FSTL5: variants seen among roughly 807,000 people sequenced by gnomAD.
FSTL5 encodes follistatin like 5.
Under a neutral mutation model 89.1 loss-of-function variants are expected in FSTL5, and 62 were observed. That is an observed-to-expected ratio of 0.70 (90% CI 0.57 to 0.86). The LOEUF is 0.86. Among genes scored for constraint, FSTL5 ranks in the 40% least tolerant of loss-of-function variants. The probability of loss-of-function intolerance (pLI) is 0.00; values close to 1 mark genes in which losing one functional copy is unlikely to be tolerated. For missense variants in FSTL5, 1,057 were observed against 1,001.6 expected (o/e 1.06, Z -0.75); for synonymous variants, 383 against 346.2 (o/e 1.11, Z -1.18).
At chr4:161,808,467 T>C (rs1730038677) in intron 4 of FSTL5, among the ~76,000 whole-genome samples, 1 of 152,154 alleles carries the variant, frequency 6.6e-6, no homozygotes, top group African/African-American at 2.4e-5. Flanking sequence ...AACAAAAAGT[T>C]TGACTTTACC....
intron 15 of FSTL5, among the ~76,000 whole-genome samples, chr4:161,431,401 A>T (rs924495926): frequency 1.3e-5 from 2 of 152,100 alleles, no homozygotes; most frequent in Admixed American, 6.5e-5. Context: ...TCAGTTTAAA[A>T]TAATGAGTTA....
At chr4:161,802,033 T>C (rs948662121) in intron 4 of FSTL5, among the ~76,000 whole-genome samples, 1 of 151,682 alleles carries the variant, frequency 6.6e-6, no homozygotes, top group African/African-American at 2.4e-5. Flanking sequence ...CTCATGCCTT[T>C]GTAATCTTTT....
chr4:161,860,457 G>T (rs1403748888), intron 4 of FSTL5, among the ~76,000 whole-genome samples: 1 of 152,166 alleles, frequency 6.6e-6, no homozygotes, highest in Non-Finnish European at 1.5e-5. Context: ...GAATTCAAAG[G>T]TAATAGGTCA....
chr4:161,785,228 T>C (rs1467815779), intron 4 of FSTL5, among the ~76,000 whole-genome samples: 1 of 152,168 alleles, frequency 6.6e-6, no homozygotes, highest in Non-Finnish European at 1.5e-5. Flanking sequence ...AGCTACAAGG[T>C]GCATCCATTT....
intron 6 of FSTL5, among the ~76,000 whole-genome samples, chr4:161,713,219 T>G (rs567169734): frequency 6.6e-6 from 1 of 152,334 alleles, no homozygotes; most frequent in Admixed American, 6.5e-5. Flanking sequence ...TAATAGCTAA[T>G]AGCATGACAG....
chr4:161,469,529 A>G (rs1271679734), intron 13 of FSTL5, among the ~76,000 whole-genome samples: 1 of 152,162 alleles, frequency 6.6e-6, no homozygotes, highest in Non-Finnish European at 1.5e-5. Context: ...GTTTTGACTT[A>G]CATTTCCCTA....
intron 10 of FSTL5, among the ~76,000 whole-genome samples, chr4:161,511,298 T>C (rs1039319193): frequency 6.6e-6 from 1 of 152,152 alleles, no homozygotes; most frequent in African/African-American, 2.4e-5. Flanking sequence ...GAGCCAAGAA[T>C]GAAGTCTAGC....
At chr4:161,427,862 C>T (rs1315675955) in intron 15 of FSTL5, among the ~76,000 whole-genome samples, 1 of 152,136 alleles carries the variant, frequency 6.6e-6, no homozygotes, top group African/African-American at 2.4e-5. Flanking sequence ...GTCCTCCCTA[C>T]AGGAACACCA....
At chr4:161,440,181 G>T (rs1269177055) in intron 15 of FSTL5, among the ~76,000 whole-genome samples, 1 of 152,058 alleles carries the variant, frequency 6.6e-6, no homozygotes, top group Non-Finnish European at 1.5e-5. Context: ...CACTAAAAGT[G>T]AACAAATCAT....
intron 6 of FSTL5, among the ~76,000 whole-genome samples, chr4:161,670,204 A>G (rs1737051561): frequency 6.6e-6 from 1 of 152,222 alleles, no homozygotes; most frequent in Admixed American, 6.5e-5. Flanking sequence ...ATATGAAGGA[A>G]GGTATCTAAT....
At chr4:161,730,508 T>C (rs1242030078) in intron 6 of FSTL5, among the ~76,000 whole-genome samples, 2 of 152,160 alleles carry the variant, frequency 1.3e-5, no homozygotes, top group Non-Finnish European at 2.9e-5. Flanking sequence ...TAATGCTGCA[T>C]AAAAATTTAT....
chr4:161,446,340 T>C (rs980462284), intron 15 of FSTL5, among the ~76,000 whole-genome samples: 4 of 152,096 alleles, frequency 2.6e-5, no homozygotes, highest in African/African-American at 4.8e-5. Context: ...ATTTTATGTA[T>C]GTATTCTCAA....
chr4:161,884,960 A>T (rs1296907078), intron 4 of FSTL5, among the ~76,000 whole-genome samples: 1 of 152,178 alleles, frequency 6.6e-6, no homozygotes, highest in Admixed American at 6.5e-5. Context: ...TAGATATTTG[A>T]ATAGTTCCTA....
intron 6 of FSTL5, among the ~76,000 whole-genome samples, chr4:161,725,498 T>A (rs1579049962): frequency 6.6e-6 from 1 of 151,500 alleles, no homozygotes; most frequent in African/African-American, 2.4e-5. Context: ...GAAAATTGAA[T>A]ATATAAATAA....
At chr4:161,838,529 C>T (rs1419358777) in intron 4 of FSTL5, among the ~76,000 whole-genome samples, 1 of 152,128 alleles carries the variant, frequency 6.6e-6, no homozygotes, top group East Asian at 1.9e-4. Flanking sequence ...CGTGATCCGC[C>T]TACCTCAGCC....
At chr4:161,883,990 A>T (rs2126913790) in intron 4 of FSTL5, among the ~76,000 whole-genome samples, 1 of 152,298 alleles carries the variant, frequency 6.6e-6, no homozygotes, top group East Asian at 1.9e-4. Flanking sequence ...AGTTATGCTT[A>T]GCGGTCAGAA....
intron 4 of FSTL5, among the ~76,000 whole-genome samples, chr4:161,812,435 T>A (rs1355044011): frequency 2.6e-5 from 4 of 152,116 alleles, no homozygotes; most frequent in South Asian, 2.1e-4. Context: ...AGAAATCCCA[T>A]CTCTGCCATT....
At chr4:161,867,756 A>T (rs1732137638) in intron 4 of FSTL5, among the ~76,000 whole-genome samples, 1 of 151,730 alleles carries the variant, frequency 6.6e-6, no homozygotes, top group Admixed American at 6.6e-5. Flanking sequence ...ATAGAGAAAA[A>T]AATCACATTC....
intron 7 of FSTL5, among the ~76,000 whole-genome samples, chr4:161,638,389 A>T (rs974975125): frequency 6.6e-6 from 1 of 152,160 alleles, no homozygotes; most frequent in Admixed American, 6.5e-5. Context: ...TTTTCTAGAT[A>T]TACAACCATG....
Sources: gnomAD v4.1 joint callset for allele counts (sites outside exome capture counted in the v4.1 genomes callset) on GRCh38, gnomAD v4.1.1 for gene constraint, MANE v1.5 for transcripts, NCBI Gene and HGNC (gene_info 2026-07-23, HGNC 2026-07-21) for gene names.